The following TBC1D20 variants were observed in gnomAD, a reference collection of about 807,000 sequenced individuals.
TBC1D20 encodes the protein chromosome 20 open reading frame 140.
In TBC1D20, 12 loss-of-function variants were observed where a neutral mutation model predicts 41.6. That is an observed-to-expected ratio of 0.29 (90% CI 0.18 to 0.47). The LOEUF is 0.47. Ranked by LOEUF, TBC1D20 falls within the 20% of genes least tolerant of loss-of-function variation. The pLI, the probability that TBC1D20 is intolerant of heterozygous loss-of-function variation, is 1.00. For missense variants in TBC1D20, 421 were observed against 517.4 expected (o/e 0.81, Z 1.81); for synonymous variants, 205 against 204.8 (o/e 1.00, Z -0.01).
Position 451,581 on chromosome 20 carries a change from G to A in TBC1D20, c.71-3507C>T, listed in dbSNP as rs79186662. On this transcript the variant is annotated intron_variant, in intron 1 of 7. Coordinates refer to ENST00000354200, the MANE Select transcript of TBC1D20 (RefSeq NM_144628.4). ...AATAAATAAATAAATAAATTCTCTC[G>A]GCTTCAGACCTACCTATCTTTGGTG... is the stretch of plus-strand genomic sequence containing the variant. Among the ~76,000 whole-genome samples the A allele has an allele frequency of 5.5e-3, 840 of 152,092 alleles. 13 individuals carry two copies. Among genetic ancestry groups the A allele is most frequent in the African/African-American group, 0.019 (787 of 41,500 alleles).
chr20:455,586 C>A (rs1165271582), intron 1 of TBC1D20, among the ~76,000 whole-genome samples: 2 of 151,962 alleles, frequency 1.3e-5, no homozygotes, highest in Non-Finnish European at 2.9e-5. Flanking sequence ...CCACTGTACT[C>A]CAGACTGGGC....
intron 3 of TBC1D20, among the ~76,000 whole-genome samples, chr20:442,365 T>A (rs140456789): frequency 4.1e-4 from 63 of 152,314 alleles, no homozygotes; most frequent in African/African-American, 1.5e-3. Context: ...CTGACAGAGC[T>A]CAGCATCATG....
intron 1 of TBC1D20, 90 bp downstream of exon 1, chr20:462,246 C>T: frequency 8.5e-6 from 8 of 939,034 alleles, no homozygotes; most frequent in Non-Finnish European, 1.1e-5. Flanking sequence ...GTCCCCAGCC[C>T]GCGCCCCTCC....
In TBC1D20 at chr20:439,282, C is replaced by T. The variant is rs1430763040; in HGVS notation, c.782G>A (p.Arg261His). The change falls in exon 7 of 8, where the codon CGC becomes CAC. Residue 261 changes from arginine to histidine, a missense_variant. Transcript: ENST00000354200. This position sits in a 1 kb window ranked among gnomAD's most constrained non-coding sequence, Gnocchi z 4.6. ...IYFAAVIVLYREQEVLDCDCD... is the reference protein window; with the variant it reads ...IYFAAVIVLYHEQEVLDCDCD... ...GTCACAGTCCAGGACTTCCTGCTCGCGATACAACACAATCTGTGGGGAGGT... is the reference window on the plus strand; with the variant it reads ...GTCACAGTCCAGGACTTCCTGCTCGTGATACAACACAATCTGTGGGGAGGT... The T allele has an allele frequency of 1.2e-6, 2 of 1,608,720 alleles. No individual in the cohort carries two copies. The highest frequency in any genetic ancestry group is 1.7e-5 in the Admixed American group (1 of 58,916).
chr20:442,975 C>T (rs1033053252), intron 3 of TBC1D20, among the ~76,000 whole-genome samples: 1 of 152,126 alleles, frequency 6.6e-6, no homozygotes, highest in Non-Finnish European at 1.5e-5. Context: ...TGGCAGGCGC[C>T]TGTAGTCCCA....
At chr20:444,252 A>T (rs1276009852) in intron 3 of TBC1D20, among the ~76,000 whole-genome samples, 3 of 152,174 alleles carry the variant, frequency 2.0e-5, no homozygotes, top group Non-Finnish European at 2.9e-5. Context: ...GGCTACTGCT[A>T]CCTGGGTATT....
chr20:442,078 C>T (rs1314150680), intron 3 of TBC1D20, 35 bp from the exon 4 acceptor site: 1 of 1,536,280 alleles, frequency 6.5e-7, no homozygotes, highest in East Asian at 2.3e-5. Context: ...TTGAACATAC[C>T]AAGCAGCCTA....
intron 4 of TBC1D20, 69 bp downstream of exon 4, chr20:441,788 G>A: frequency 6.3e-7 from 1 of 1,593,144 alleles, no homozygotes; most frequent in Non-Finnish European, 8.6e-7. Flanking sequence ...CCAGAAAACA[G>A]GCCAGTGAGT....
intron 1 of TBC1D20, among the ~76,000 whole-genome samples, chr20:460,724 G>T (rs778098305): frequency 6.6e-6 from 1 of 152,128 alleles, no homozygotes; most frequent in Non-Finnish European, 1.5e-5. Flanking sequence ...ACAAAAGAGG[G>T]ATTCTAGCAT....
chr20:462,392 C>A lies in TBC1D20; in HGVS notation c.14G>T (p.Ser5Ile). Residue 5 changes from serine to isoleucine, a missense_variant, in exon 1 of 8, where the codon AGT (serine) becomes ATT (isoleucine). By Grantham distance (142) the Ser-to-Ile change is moderately radical (BLOSUM62 -2). Transcript: ENST00000354200. ...GGAGGTGGGGCCGTCGCCCTGCGCA[C>A]TCCGGAGGGCCATGCCCCGGGGCCC... MALR[S>I]AQGDGPTSGH... The A allele has an allele frequency of 7.8e-7, 1 of 1,277,796 alleles. No homozygotes were observed. The highest frequency in any genetic ancestry group is 1.0e-6 in the Non-Finnish European group (1 of 1,002,918). The allele number at this position is 1,277,796 out of a possible 1,614,324, so 79.2% of individuals were successfully genotyped here.
At chr20:450,235 C>T (rs761895763) in intron 1 of TBC1D20, among the ~76,000 whole-genome samples, 1 of 151,808 alleles carries the variant, frequency 6.6e-6, no homozygotes, top group Non-Finnish European at 1.5e-5. Flanking sequence ...TGCAACCTCC[C>T]TGTCCCAGGT....
intron 3 of TBC1D20, among the ~76,000 whole-genome samples, chr20:444,749 C>G (rs966029877): frequency 1.3e-5 from 2 of 152,178 alleles, no homozygotes; most frequent in Non-Finnish European, 2.9e-5. Flanking sequence ...CAATTCCACA[C>G]CAATCTGCTC....
In TBC1D20 at chr20:458,180, GA is replaced by G. The variant is rs1359050813; in HGVS notation, c.70+4155del. On this transcript the variant is annotated intron_variant, in intron 1 of 7. Transcript: ENST00000354200. ...GAGAAAGGAAATCTTGTATCTTGGG[GA>G]AAAAAACCACTATGCAGTCAACTGA... Among the ~76,000 whole-genome samples, 10 of 151,936 alleles carry G rather than the reference GA, an allele frequency of 6.6e-5. No homozygotes were observed. In the South Asian group the frequency reaches 8.3e-4, roughly 13 times the overall value.
rs774167151 is a variant in TBC1D20 at position 447,945 on chromosome 20, C to T, written c.200G>A (p.Arg67Gln). 3.4e-5 allele frequency: 55 copies of T among 1,614,002 alleles called. No homozygotes were observed. The South Asian group carries it at 4.8e-4, about 14-fold the overall frequency. The change falls in exon 2 of 8, where the codon CGA (arginine) becomes CAA (glutamine). Residue 67 changes from arginine to glutamine, a missense_variant. Arg to Gln is a conservative substitution (Grantham distance 43, BLOSUM62 1). Coordinates refer to ENST00000354200, the MANE Select transcript of TBC1D20 (RefSeq NM_144628.4). ...EGGLLTDEIR[R>Q]KVWPKLLNVN... is the part of the protein sequence containing the mutation. Reference sequence around the variant, plus strand: ...ATTGAGGAGCTTGGGCCACACTTTTCGTCTGATCTCATCAGTCAGGAGCCC... The same window carrying T: ...ATTGAGGAGCTTGGGCCACACTTTTTGTCTGATCTCATCAGTCAGGAGCCC...
At chr20:444,949 AAGGTCCCTG>A (rs2017303296) in intron 3 of TBC1D20, 92 bp downstream of exon 3, 2 of 1,000,358 alleles carry the variant, frequency 2.0e-6, no homozygotes, top group Non-Finnish European at 3.0e-6. Flanking sequence ...GAGAGCTCTG[AAGGTCCCTG>A]AGGCGGCAGG....
At chr20:454,120 G>T (rs2017500514) in intron 1 of TBC1D20, among the ~76,000 whole-genome samples, 1 of 151,282 alleles carries the variant, frequency 6.6e-6, no homozygotes, top group Non-Finnish European at 1.5e-5. Flanking sequence ...GCGGGCGCCT[G>T]TAGTCCCAGC....
Position 453,540 on chromosome 20 carries a change from A to ATTTTTT in TBC1D20, c.71-5472_71-5467dup, listed in dbSNP as rs1157479385. Among the ~76,000 whole-genome samples the ATTTTTT allele has an allele frequency of 3.3e-4, 35 of 105,802 alleles. 2 individuals are homozygous for ATTTTTT. Among genetic ancestry groups the ATTTTTT allele is most frequent in the African/African-American group, 1.2e-3 (31 of 25,502 alleles). The allele number at this position is 105,802 out of a possible 152,430, so 69.4% of individuals were successfully genotyped here. ...CGGTGGCTCGTGCCTGTAATCCAGCATTTTTTTTTTTTTTTTTTTTTTTGA... is the reference window on the plus strand; with the variant it reads ...CGGTGGCTCGTGCCTGTAATCCAGCATTTTTTTTTTTTTTTTTTTTTTTTTTTTTGA... On this transcript the variant is annotated intron_variant, in intron 1 of 7. Transcript: ENST00000354200.
intron 1 of TBC1D20, among the ~76,000 whole-genome samples, chr20:448,358 G>C (rs1409978021): frequency 2.0e-5 from 3 of 152,114 alleles, no homozygotes. Flanking sequence ...AAAATCATAG[G>C]CACAGACTGG....
At chr20:453,149 G>A (rs763604069) in intron 1 of TBC1D20, among the ~76,000 whole-genome samples, 16 of 64,980 alleles carry the variant, frequency 2.5e-4, no homozygotes, top group Admixed American at 2.7e-4. Context: ...GCGAAACTCC[G>A]TTTCAAAAAA....
Sources: gnomAD v4.1 joint callset for allele counts (sites outside exome capture counted in the v4.1 genomes callset) on GRCh38, gnomAD v4.1.1 for gene constraint, Gnocchi (gnomAD v3.1) non-coding constraint, MANE v1.5 for transcripts, NCBI Gene and HGNC (gene_info 2026-07-23, HGNC 2026-07-21) for gene names.